HARBI1: variants seen among roughly 807,000 people sequenced by gnomAD.
HARBI1 encodes the protein harbinger transposase derived 1.
In HARBI1, 15 loss-of-function variants were observed where a neutral mutation model predicts 25.3. That is an observed-to-expected ratio of 0.59 (90% CI 0.40 to 0.91). HARBI1 has a LOEUF of 0.91. Ranked by LOEUF, HARBI1 falls within the 40% of genes least tolerant of loss-of-function variation. The probability of loss-of-function intolerance (pLI) is 0.00; values close to 1 mark genes in which losing one functional copy is unlikely to be tolerated. For synonymous variants in HARBI1, 168 were observed against 160.5 expected, an observed-to-expected ratio of 1.05 and a Z score of -0.35; for missense variants, 396 against 445.8, an observed-to-expected ratio of 0.89 and a Z score of 1.01.
intron 2 of HARBI1, among the ~76,000 whole-genome samples, chr11:46,605,362 C>T (rs556230852): frequency 6.6e-6 from 1 of 152,106 alleles, no homozygotes; most frequent in African/African-American, 2.4e-5. Flanking sequence ...GCCACCATGC[C>T]TGGCAAAATT....
chr11:46,615,418 A>G (rs2045340826), intron 2 of HARBI1, 150 bp downstream of exon 2: 1 of 657,976 alleles, frequency 1.5e-6, no homozygotes, highest in South Asian at 1.9e-5. Flanking sequence ...AGATTTCACC[A>G]TGTTGGCCAG....
intron 2 of HARBI1, among the ~76,000 whole-genome samples, chr11:46,607,855 T>C (rs1013127610): frequency 1.4e-5 from 2 of 143,960 alleles, no homozygotes; most frequent in East Asian, 4.0e-4. Flanking sequence ...TAATGCATTC[T>C]GAAGGGACAG....
intron 2 of HARBI1, among the ~76,000 whole-genome samples, chr11:46,608,691 C>G (rs1316880646): frequency 6.6e-6 from 1 of 151,762 alleles, no homozygotes; most frequent in Non-Finnish European, 1.5e-5. Flanking sequence ...TCTTGGTTCA[C>G]TACAACCTCC....
At chr11:46,617,006 AAG>A in intron 1 of HARBI1, 116 bp downstream of exon 1, 1 of 985,336 alleles carries the variant, frequency 1.0e-6, no homozygotes. Flanking sequence ...GGGAGCGAAA[AAG>A]AGGCTGGCCG....
At chr11:46,611,703 C>A (rs1830417163) in intron 2 of HARBI1, among the ~76,000 whole-genome samples, 1 of 149,094 alleles carries the variant, frequency 6.7e-6, no homozygotes. Flanking sequence ...AGAGTGAGAC[C>A]CCGTGACAAA....
intron 1 of HARBI1, chr11:46,616,612 G>T: frequency 9.8e-7 from 1 of 1,019,510 alleles, no homozygotes; most frequent in Non-Finnish European, 1.2e-6. Context: ...CATTTCAATT[G>T]AGAACACCAA....
chr11:46,612,181 G>A (rs1453260058), intron 2 of HARBI1, among the ~76,000 whole-genome samples: 1 of 152,098 alleles, frequency 6.6e-6, no homozygotes, highest in Non-Finnish European at 1.5e-5. Context: ...GATTAGCTGG[G>A]TGTGGTGGTG....
In HARBI1 at chr11:46,616,926, C is replaced by T. The variant is rs28366000; in HGVS notation, c.-145+198G>A. ...GTGTGCTGTAACAAAAGGCTTTTCC[C>T]TCACTCCAAGAACTCCAAATCGTGA... is the stretch of plus-strand genomic sequence containing the variant. On this transcript the variant is annotated intron_variant, in intron 1 of 2. Coordinates refer to ENST00000326737, the MANE Select transcript of HARBI1 (RefSeq NM_173811.4). The T allele has an allele frequency of 1.0e-4, 103 of 984,350 alleles. 2 individuals carry two copies. In the East Asian group the frequency reaches 0.011, roughly 107 times the overall value. The allele number at this position is 984,350 out of a possible 1,614,324, so 61.0% of individuals were successfully genotyped here.
intron 2 of HARBI1, among the ~76,000 whole-genome samples, chr11:46,610,783 A>T (rs2045149763): frequency 2.0e-5 from 3 of 152,198 alleles, no homozygotes; most frequent in Non-Finnish European, 2.9e-5. Context: ...CTAATTTTCA[A>T]CTATTTACTA....
In HARBI1 at chr11:46,604,075, T is replaced by G. The variant is rs570567591; in HGVS notation, c.671-166A>C. 2.7e-5 allele frequency: 27 copies of G among 985,342 alleles called. No individual in the cohort carries two copies. The East Asian group carries it at 2.9e-3, about 108-fold the overall frequency. The allele number at this position is 985,342 out of a possible 1,614,324, so 61.0% of individuals were successfully genotyped here. ...AAAATGCTATGGTAAAAAGAAATCA[T>G]GCCAATGCCAGGAGCAGAAAGACAC... On this transcript the variant is annotated intron_variant, in intron 2 of 2. Transcript: ENST00000326737.
chr11:46,614,260 T>C (rs1418127225), intron 2 of HARBI1, among the ~76,000 whole-genome samples: 1 of 151,878 alleles, frequency 6.6e-6, no homozygotes, highest in Non-Finnish European at 1.5e-5. Flanking sequence ...AAACCCCGTC[T>C]CTACTAAAAA....
chr11:46,616,543 G>T lies in HARBI1; in HGVS notation c.-144-162C>A, dbSNP rs1051880623. The T allele has an allele frequency of 3.5e-6, 4 of 1,131,152 alleles. No homozygotes were observed. In the African/African-American group the frequency reaches 6.5e-5, roughly 18 times the overall value. 70.1% of individuals were successfully genotyped at this position (1,131,152 alleles called of 1,614,324 possible). ...TCCACTAACTCATGGCTGCACGACA[G>T]GCTTGCTCTGATTCAAGGATAATGG... On this transcript the variant is annotated intron_variant, in intron 1 of 2. Coordinates refer to ENST00000326737, the MANE Select transcript of HARBI1 (RefSeq NM_173811.4).
intron 2 of HARBI1, among the ~76,000 whole-genome samples, chr11:46,612,579 A>C (rs1242171849): frequency 6.6e-6 from 1 of 152,136 alleles, no homozygotes; most frequent in East Asian, 1.9e-4. Context: ...AGATCTGTGA[A>C]GTGAGTTGCT....
In HARBI1 at chr11:46,608,765, G is replaced by A. The variant is rs111664303; in HGVS notation, c.671-4856C>T. ...CGAGTAGCTGGGATTACAGGCATGC[G>A]CCACCAGGCCCGGCTAATTTTGTAT... is the stretch of plus-strand genomic sequence containing the variant. On this transcript the variant is annotated intron_variant, in intron 2 of 2. Coordinates refer to ENST00000326737, the MANE Select transcript of HARBI1 (RefSeq NM_173811.4). 8.9e-4 allele frequency among the ~76,000 whole-genome samples: 135 copies of A among 151,398 alleles called. 1 individual carries two copies. Among genetic ancestry groups the A allele is most frequent in the African/African-American group, 3.2e-3 (130 of 41,234 alleles).
At chr11:46,604,120 C>G (rs1042417447) in intron 2 of HARBI1, 1 of 985,182 alleles carries the variant, frequency 1.0e-6, no homozygotes, top group Non-Finnish European at 1.2e-6. Context: ...CTGAGAATGT[C>G]GTTGGTAAAA....
Position 46,615,762 on chromosome 11 carries a change from T to C in HARBI1, c.476A>G (p.Asn159Ser), listed in dbSNP as rs748893856. The C allele has an allele frequency of 6.2e-7, 1 of 1,614,056 alleles. No homozygotes were observed. ...GTTCACATAGGAGAGGTCTTCAGCA[T>C]TTGGTGCCTTGATGGCCACATGGAT... Reference protein sequence around the residue: ...DCIHVAIKAPNAEDLSYVNRK... With the variant: ...DCIHVAIKAPSAEDLSYVNRK... The change falls in exon 2 of 3, where the codon AAT (asparagine) becomes AGT (serine). Residue 159 changes from asparagine to serine, a missense_variant. By Grantham distance (46) the Asn-to-Ser change is conservative. Transcript: ENST00000326737.
Position 46,612,970 on chromosome 11 carries a change from ATTTTT to A in HARBI1, c.670+2593_670+2597del, listed in dbSNP as rs11301819. ...TATAGGCATGAGCCACCACACCCGGATTTTTTTTTTTTTTTTTTTTTTTTTTTGAG... is the reference window on the plus strand; with the variant it reads ...TATAGGCATGAGCCACCACACCCGGATTTTTTTTTTTTTTTTTTTTTTGAG... On this transcript the variant is annotated intron_variant, in intron 2 of 2. Transcript: ENST00000326737. 1.7e-4 allele frequency among the ~76,000 whole-genome samples: 6 copies of A among 34,756 alleles called. No homozygotes were observed. In the South Asian group the frequency reaches 8.9e-3, roughly 52 times the overall value. 22.8% of individuals were successfully genotyped at this position (34,756 alleles called of 152,430 possible).
Position 46,603,692 on chromosome 11 carries a change from A to C in HARBI1, c.888T>G (p.Cys296Trp). 6.2e-7 allele frequency: 1 copy of C among 1,614,194 alleles called. No individual in the cohort carries two copies. The highest frequency in any genetic ancestry group is 8.5e-7 in the Non-Finnish European group (1 of 1,180,036). Residue 296 changes from cysteine (C) to tryptophan (W), a missense_variant, in exon 3 of 3, where the codon TGT (cysteine) becomes TGG (tryptophan). Transcript: ENST00000326737. ...EKSSHIILAC[C>W]VLHNISLEHG... ...GCTCCAGGGAGATGTTGTGGAGGAC[A>C]CAACAGGCCAAGATGATATGGCTGG... is the stretch of plus-strand genomic sequence containing the variant.
At chr11:46,616,856 A>AAC (rs2045550986) in intron 1 of HARBI1, 2 of 962,768 alleles carry the variant, frequency 2.1e-6, no homozygotes, top group African/African-American at 1.8e-5. Context: ...AAAAAAAAAA[A>AAC]AAAAAACAAC....
Sources: allele counts gnomAD v4.1 joint callset (sites outside exome capture counted in the v4.1 genomes callset), GRCh38; gene constraint gnomAD v4.1.1; transcripts MANE v1.5; gene names NCBI Gene and HGNC (gene_info 2026-07-23, HGNC 2026-07-21).